Variants in ARHGAP28 observed in about 807,000 individuals in gnomAD.
ARHGAP28 encodes Rho GTPase activating protein 28.
Under a neutral mutation model 90.7 loss-of-function variants are expected in ARHGAP28, and 56 were observed. The ratio of observed to expected loss-of-function variants is 0.62; its 90% CI spans 0.50 to 0.77. The LOEUF (loss-of-function observed/expected upper bound fraction) is 0.77. Ranked by LOEUF, ARHGAP28 falls within the 30% of genes least tolerant of loss-of-function variation. ARHGAP28 has a pLI of 0.00. For synonymous variants in ARHGAP28, 308 were observed against 323.3 expected (o/e 0.95, Z 0.51); for missense variants, 869 against 900.9 (o/e 0.96, Z 0.45).
chr18:6,778,726 G>A (rs888157349), intron 1 of ARHGAP28, among the ~76,000 whole-genome samples: 2 of 152,182 alleles, frequency 1.3e-5, no homozygotes, highest in African/African-American at 4.8e-5. Context: ...ACGAGCATTA[G>A]TGCATCTTGA....
At chr18:6,814,168 A>C (rs1436560915) in intron 1 of ARHGAP28, among the ~76,000 whole-genome samples, 1 of 152,132 alleles carries the variant, frequency 6.6e-6, no homozygotes, top group Non-Finnish European at 1.5e-5. Flanking sequence ...CCCCTCATAG[A>C]ATTTAATAAG....
intron 10 of ARHGAP28, among the ~76,000 whole-genome samples, chr18:6,877,065 C>A (rs1395565719): frequency 2.0e-5 from 3 of 152,022 alleles, no homozygotes. Flanking sequence ...AGGGGAAAAC[C>A]AATGTGGTAA....
chr18:6,825,908 G>A (rs148135843), intron 2 of ARHGAP28, among the ~76,000 whole-genome samples: 2,157 of 152,244 alleles, frequency 0.014, 54 homozygotes, highest in African/African-American at 0.049. Context: ...ATAGCTTGGC[G>A]ATGAACATAC....
At chr18:6,911,626 G>C (rs2072013365) in intron 17 of ARHGAP28, among the ~76,000 whole-genome samples, 1 of 151,798 alleles carries the variant, frequency 6.6e-6, no homozygotes, top group South Asian at 2.1e-4. Context: ...AGTAGACATG[G>C]GGTTTCACCA....
chr18:6,789,711 A>G (rs972086806), intron 1 of ARHGAP28: 2 of 152,234 alleles, frequency 1.3e-5, no homozygotes, highest in Non-Finnish European at 2.9e-5. Context: ...ATTTAACACT[A>G]TGAAAAGCAT....
intron 1 of ARHGAP28, among the ~76,000 whole-genome samples, chr18:6,794,791 TCTTA>T (rs1162883941): frequency 6.6e-6 from 1 of 152,036 alleles, no homozygotes; most frequent in Non-Finnish European, 1.5e-5. Context: ...CAAGCAATCC[TCTTA>T]CCTCAACCTC....
intron 3 of ARHGAP28, 50 bp downstream of exon 3, chr18:6,837,464 A>G (rs1398332381): frequency 3.1e-6 from 2 of 637,872 alleles, no homozygotes; most frequent in Non-Finnish European, 5.8e-6. Context: ...TTGACTGGGG[A>G]TGGGGTAGGG....
In ARHGAP28 at chr18:6,839,337, A is replaced by G. The variant is rs931428923; in HGVS notation, c.543+1923A>G. Among the ~76,000 whole-genome samples, 11 of 135,744 alleles carry G rather than the reference A, an allele frequency of 8.1e-5. No homozygotes were observed. In the East Asian group the frequency reaches 1.0e-3, roughly 13 times the overall value. The allele number at this position is 135,744 out of a possible 152,430, so 89.1% of individuals were successfully genotyped here. A position where few individuals can be genotyped will look rare whatever the true frequency, so the allele number is the denominator to read the frequency against. ...GAGACAGCGTCTCGCTCTGTCGCCC[A>G]GGCTGGAGTGCAGTGGCGCAATCTC... On this transcript the variant is annotated intron_variant, in intron 3 of 17. Coordinates refer to ENST00000383472, the MANE Select transcript of ARHGAP28 (RefSeq NM_001366230.1).
intron 1 of ARHGAP28, among the ~76,000 whole-genome samples, chr18:6,824,493 C>T (rs557760844): frequency 1.6e-4 from 24 of 152,066 alleles, no homozygotes; most frequent in Admixed American, 1.1e-3. Context: ...GCCGAGATCG[C>T]GCCACCATAC....
chr18:6,861,450 A>G (rs550262968), intron 5 of ARHGAP28, among the ~76,000 whole-genome samples: 67 of 152,288 alleles, frequency 4.4e-4, no homozygotes, highest in African/African-American at 1.5e-3. Flanking sequence ...ATTGATTTAA[A>G]ATACAAGTCT....
rs577453382 is a variant in ARHGAP28 at position 6,837,521 on chromosome 18, C to T, written c.543+107C>T. On this transcript the variant is annotated intron_variant, in intron 3 of 17. Coordinates refer to ENST00000383472, the MANE Select transcript of ARHGAP28 (RefSeq NM_001366230.1). ...ATCAGAAATGTCTGCTTGGGTGGTT[C>T]CATTCTAACTTTTTGAGAAAACTAA... 104 of 834,770 alleles carry T rather than the reference C, an allele frequency of 1.2e-4. No individual in the cohort carries two copies. In the African/African-American group the frequency reaches 1.5e-3, roughly 12 times the overall value. 51.7% of individuals were successfully genotyped at this position (834,770 alleles called of 1,614,324 possible).
intron 3 of ARHGAP28, among the ~76,000 whole-genome samples, chr18:6,838,744 T>C (rs1268900167): frequency 6.6e-6 from 1 of 152,262 alleles, no homozygotes; most frequent in Non-Finnish European, 1.5e-5. Flanking sequence ...ATATAACTTA[T>C]GGTAAGTGCA....
At chr18:6,799,134 C>T (rs1322499921) in intron 1 of ARHGAP28, among the ~76,000 whole-genome samples, 1 of 152,164 alleles carries the variant, frequency 6.6e-6, no homozygotes, top group African/African-American at 2.4e-5. Flanking sequence ...ATAACAATGC[C>T]TCATTTTTCC....
At chr18:6,752,599 C>G (rs12968963) in intron 1 of ARHGAP28, among the ~76,000 whole-genome samples, 1 of 152,106 alleles carries the variant, frequency 6.6e-6, no homozygotes, top group African/African-American at 2.4e-5. Flanking sequence ...AGCAAAACCA[C>G]GAAGTGCTAA....
At chr18:6,848,205 A>C (rs890478215) in intron 3 of ARHGAP28, among the ~76,000 whole-genome samples, 3 of 152,200 alleles carry the variant, frequency 2.0e-5, no homozygotes, top group Non-Finnish European at 4.4e-5. Context: ...TTGCCAGCCC[A>C]GGGGCCTGCC....
In ARHGAP28 at chr18:6,876,540, T is replaced by G. The variant is rs550548881; in HGVS notation, c.1290+332T>G. Among the ~76,000 whole-genome samples the G allele has an allele frequency of 1.0e-3, 152 of 152,310 alleles. 1 individual carries two copies. The highest frequency in any genetic ancestry group is 3.4e-3 in the African/African-American group (140 of 41,558). On this transcript the variant is annotated intron_variant, in intron 10 of 17. Transcript: ENST00000383472. ...AAAACTGCTGCTTGCCTTTAGTTTG[T>G]AAAAGTTGAAACGTCTCACTGCTGT...
At position 6,913,656 on chromosome 18, in the gene ARHGAP28, A is replaced by G. The variant is rs1368306616; in HGVS notation, c.*1502A>G. The G allele has an allele frequency of 6.6e-6, 1 of 152,182 alleles. No homozygotes were observed. The highest frequency in any genetic ancestry group is 1.5e-5 in the Non-Finnish European group (1 of 68,028). 9.4% of individuals were successfully genotyped at this position (152,182 alleles called of 1,614,324 possible). On this transcript the variant is annotated 3_prime_UTR_variant, in exon 18 of 18. Coordinates refer to ENST00000383472, the MANE Select transcript of ARHGAP28 (RefSeq NM_001366230.1). ...TTACACCTTGATATCTATACAAAAC[A>G]TCACTTGTATTAAAATATATAGATA...
At chr18:6,897,385 T>A (rs1296237566) in intron 16 of ARHGAP28, 1 of 152,236 alleles carries the variant, frequency 6.6e-6, no homozygotes, top group Non-Finnish European at 1.5e-5. Context: ...TTAAACATAC[T>A]AATAATAATT....
At chr18:6,828,323 C>T (rs2056690287) in intron 2 of ARHGAP28, among the ~76,000 whole-genome samples, 1 of 152,020 alleles carries the variant, frequency 6.6e-6, no homozygotes, top group South Asian at 2.1e-4. Context: ...TTCGGCTCGG[C>T]ATCAGAGGGA....
Sources: allele counts gnomAD v4.1 joint callset (sites outside exome capture counted in the v4.1 genomes callset), GRCh38; gene constraint gnomAD v4.1.1; transcripts MANE v1.5; gene names NCBI Gene and HGNC (gene_info 2026-07-23, HGNC 2026-07-21).